The following ANK3 variants were observed in gnomAD, a reference collection of about 807,000 sequenced individuals.
ANK3 encodes ankyrin-3.
Under a neutral mutation model 370.9 loss-of-function variants are expected in ANK3, and 57 were observed. That is an observed-to-expected ratio of 0.15 (90% CI 0.12 to 0.19). The LOEUF (loss-of-function observed/expected upper bound fraction) is 0.19. Ranked by LOEUF, ANK3 falls within the 10% of genes least tolerant of loss-of-function variation. The pLI is 1.00. For missense variants in ANK3, 4,439 were observed against 5,302.1 expected (o/e 0.84, Z 5.06); for synonymous variants, 1,929 against 1,946.3 (o/e 0.99, Z 0.23).
At chr10:60,200,831 A>G (rs116271641) in intron 12 of ANK3, among the ~76,000 whole-genome samples, 3,462 of 152,260 alleles carry the variant, frequency 0.023, 116 homozygotes, top group African/African-American at 0.075. Context: ...GCCGGTTTGC[A>G]TTTCTTGTTT....
intron 25 of ANK3, among the ~76,000 whole-genome samples, chr10:60,118,074 C>A (rs1169006369): frequency 6.6e-6 from 1 of 152,224 alleles, no homozygotes; most frequent in East Asian, 1.9e-4. Flanking sequence ...TTAGAGATAT[C>A]CAAGCACATC....
intron 7 of ANK3, among the ~76,000 whole-genome samples, chr10:60,240,302 A>T (rs192722365): frequency 0.13 from 11,172 of 88,030 alleles, 939 homozygotes; most frequent in African/African-American, 0.26. Context: ...ATATATATAT[A>T]TATATTTTTT....
In ANK3 at chr10:60,069,086, G is replaced by C. The variant is rs1190482445; in HGVS notation, c.11795C>G (p.Thr3932Arg). 2 of 1,614,118 alleles carry C rather than the reference G, an allele frequency of 1.2e-6. No homozygotes were observed. The highest frequency in any genetic ancestry group is 1.7e-6 in the Non-Finnish European group (2 of 1,180,014). ...NIIAVRKACA[T>R]QKQGQPEKGK... ...TTTCTCTGGCTGCCCTTGCTTTTGT[G>C]TGGCACATGCTTTTCTAACTGCAAT... Residue 3932 changes from threonine to arginine, a missense_variant, in exon 37 of 44, where the codon ACA becomes AGA. By Grantham distance (71) the Thr-to-Arg change is moderately conservative. This residue lies in a region of ANK3 where 496 missense variants were observed against 529.3 expected (regional missense o/e 0.94). Coordinates refer to ENST00000280772, the MANE Select transcript of ANK3 (RefSeq NM_020987.5).
At chr10:60,299,897 A>C (rs573920208) in intron 1 of ANK3, among the ~76,000 whole-genome samples, 1 of 152,196 alleles carries the variant, frequency 6.6e-6, no homozygotes, top group Non-Finnish European at 1.5e-5. Flanking sequence ...CAACTGTAAA[A>C]TTTCATATTG....
At chr10:60,160,965 T>G (rs988900586) in intron 23 of ANK3, among the ~76,000 whole-genome samples, 3 of 152,180 alleles carry the variant, frequency 2.0e-5, no homozygotes, top group Admixed American at 1.3e-4. Context: ...AAGCCTTTCC[T>G]CTAAGATCTG....
intron 1 of ANK3, 96 bp from the exon 2 acceptor site, chr10:60,279,735 T>C: frequency 4.7e-6 from 4 of 858,876 alleles, no homozygotes; most frequent in Non-Finnish European, 7.4e-6. Flanking sequence ...ATAATTGAAC[T>C]CTTTTATTTC....
chr10:60,262,373 C>T (rs965038518), intron 6 of ANK3, among the ~76,000 whole-genome samples: 4 of 152,132 alleles, frequency 2.6e-5, no homozygotes, highest in Admixed American at 6.6e-5. Flanking sequence ...TATTACTGAA[C>T]AGTAAATGCC....
intron 2 of ANK3, among the ~76,000 whole-genome samples, chr10:60,533,252 G>A (rs1295109704): frequency 6.6e-6 from 1 of 151,964 alleles, no homozygotes; most frequent in Non-Finnish European, 1.5e-5. Flanking sequence ...GAATTTATGA[G>A]GACTCAGAAC....
chr10:60,441,376 T>C (rs1245842616), intron 2 of ANK3, among the ~76,000 whole-genome samples: 1 of 152,200 alleles, frequency 6.6e-6, no homozygotes, highest in African/African-American at 2.4e-5. Flanking sequence ...GCATTACTTT[T>C]ATTAACAAAG....
In ANK3 at chr10:60,666,937, C is replaced by T. The variant is rs908852184; in HGVS notation, c.58-51713G>A. Among the ~76,000 whole-genome samples, 4 of 151,824 alleles carry T rather than the reference C, an allele frequency of 2.6e-5. No homozygotes were observed. In the East Asian group the frequency reaches 7.7e-4, roughly 29 times the overall value. ...AGATGTTTTAATTTTAGAGTTACTACCAATTTAGAGTTGTCAGATAAAATA... is the reference window on the plus strand; with the variant it reads ...AGATGTTTTAATTTTAGAGTTACTATCAATTTAGAGTTGTCAGATAAAATA... On this transcript the variant is annotated intron_variant, in intron 1 of 43. Transcript: ENST00000373827.
At chr10:60,347,054 GATATAT>G (rs34027235) in intron 1 of ANK3, among the ~76,000 whole-genome samples, 80 of 142,524 alleles carry the variant, frequency 5.6e-4, no homozygotes, top group Middle Eastern at 3.5e-3. Context: ...AGAAATATAT[GATATAT>G]ATATATATAT....
intron 2 of ANK3, among the ~76,000 whole-genome samples, chr10:60,450,352 T>G (rs1451170081): frequency 1.3e-5 from 2 of 152,154 alleles, no homozygotes; most frequent in African/African-American, 4.8e-5. Flanking sequence ...TTTGCCACTT[T>G]CCATGATGTA....
intron 23 of ANK3, chr10:60,140,390 A>C (rs559426924): frequency 6.2e-7 from 1 of 1,613,794 alleles, no homozygotes; most frequent in East Asian, 2.2e-5. Context: ...TGGATGATCA[A>C]ATGTTTTCCT....
chr10:60,375,498 G>T (rs527832714), intron 1 of ANK3, among the ~76,000 whole-genome samples: 8 of 151,878 alleles, frequency 5.3e-5, no homozygotes, highest in Non-Finnish European at 7.4e-5. Flanking sequence ...GGCCTGCCTG[G>T]GGGGGGAGGG....
chr10:60,460,787 C>T (rs889972691), intron 2 of ANK3, among the ~76,000 whole-genome samples: 1 of 151,996 alleles, frequency 6.6e-6, no homozygotes, highest in African/African-American at 2.4e-5. Flanking sequence ...GCAGACAGAA[C>T]CATAAATTTA....
At chr10:60,407,579 T>G (rs2063480056) in intron 2 of ANK3, among the ~76,000 whole-genome samples, 1 of 152,222 alleles carries the variant, frequency 6.6e-6, no homozygotes, top group Non-Finnish European at 1.5e-5. Flanking sequence ...TGCTAAGTAA[T>G]TCATTCATTC....
intron 6 of ANK3, among the ~76,000 whole-genome samples, chr10:60,263,209 G>A (rs1255638072): frequency 6.6e-6 from 1 of 152,182 alleles, no homozygotes; most frequent in Non-Finnish European, 1.5e-5. Flanking sequence ...TTCACTATTG[G>A]TGATATGGAT....
chr10:60,175,478 T>C (rs1225287888), intron 18 of ANK3, among the ~76,000 whole-genome samples: 1 of 152,188 alleles, frequency 6.6e-6, no homozygotes, highest in South Asian at 2.1e-4. Flanking sequence ...TAAAGAGCCA[T>C]AGCCCAGGGA....
intron 1 of ANK3, among the ~76,000 whole-genome samples, chr10:60,297,006 G>A (rs1490586388): frequency 6.6e-6 from 1 of 152,052 alleles, no homozygotes; most frequent in East Asian, 1.9e-4. Context: ...AAATAAAAAA[G>A]TATGCAGTGT....
Sources: gnomAD v4.1 joint callset for allele counts (sites outside exome capture counted in the v4.1 genomes callset) on GRCh38, gnomAD v4.1.1 for gene constraint, gnomAD v4.1.1 regional missense constraint, MANE v1.5 for transcripts, NCBI Gene and HGNC (gene_info 2026-07-23, HGNC 2026-07-21) for gene names.